Variants in TLN2 observed in about 807,000 individuals in gnomAD.
TLN2 encodes the protein talin 2, also known as talin-2.
In TLN2, 118 loss-of-function variants were observed where a neutral mutation model predicts 294.7. The observed-to-expected ratio is 0.40, with a 90% confidence interval of 0.34 to 0.47. The LOEUF (loss-of-function observed/expected upper bound fraction) is 0.47, where lower values mean the gene tolerates loss of function less well. Among genes scored for constraint, TLN2 ranks in the 20% least tolerant of loss-of-function variants. The probability of loss-of-function intolerance (pLI) is 0.84; values close to 1 mark genes in which losing one functional copy is unlikely to be tolerated. For missense variants in TLN2, 3,083 were observed against 3,282.2 expected (o/e 0.94, Z 1.48); for synonymous variants, 1,431 against 1,304.5 (o/e 1.10, Z -2.09).
At chr15:62,663,732 T>A (rs924280042) in intron 9 of TLN2, among the ~76,000 whole-genome samples, 1 of 151,966 alleles carries the variant, frequency 6.6e-6, no homozygotes, top group African/African-American at 2.4e-5. Flanking sequence ...ATCTCCAAGA[T>A]CTCACCAATA....
intron 2 of TLN2, among the ~76,000 whole-genome samples, chr15:62,609,245 G>T (rs1019269567): frequency 2.0e-5 from 3 of 152,170 alleles, no homozygotes; most frequent in Non-Finnish European, 2.9e-5. Context: ...CCATTTGATT[G>T]TAAGTTGGTG....
chr15:62,834,591 A>C (rs1262659353), intron 55 of TLN2: 3 of 152,116 alleles, frequency 2.0e-5, no homozygotes, highest in Admixed American at 2.0e-4. Flanking sequence ...TTCTCTTTCT[A>C]AACCATTGTG....
intron 26 of TLN2, among the ~76,000 whole-genome samples, chr15:62,723,559 T>G (rs936694924): frequency 6.6e-6 from 1 of 150,426 alleles, no homozygotes; most frequent in African/African-American, 2.4e-5. Context: ...TTTTTTTTTT[T>G]GTGAAACAGG....
intron 1 of TLN2, among the ~76,000 whole-genome samples, chr15:62,466,380 A>G (rs1031986188): frequency 6.6e-6 from 1 of 152,218 alleles, no homozygotes; most frequent in South Asian, 2.1e-4. Context: ...TTGGGGCTGG[A>G]TGATTCTTTG....
chr15:62,425,738 T>C (rs1368420511), intron 1 of TLN2, among the ~76,000 whole-genome samples: 1 of 152,228 alleles, frequency 6.6e-6, no homozygotes, highest in Non-Finnish European at 1.5e-5. Context: ...GTGCTGGTAC[T>C]CTAGGTTTGG....
In TLN2 at chr15:62,547,215, G is replaced by A. The variant is rs1276676453; in HGVS notation, c.-237-42472G>A. On this transcript the variant is annotated intron_variant, in intron 1 of 58. Coordinates refer to ENST00000636159, the MANE Select transcript of TLN2 (RefSeq NM_015059.3). ...TTCAGCCCTTTCATTTCTCTACTTT[G>A]TTGAAAAACATGTTCAGATACTGTT... Among the ~76,000 whole-genome samples, 3 of 152,144 alleles carry A rather than the reference G, an allele frequency of 2.0e-5. No individual in the cohort carries two copies. The East Asian group carries it at 5.8e-4, about 29-fold the overall frequency.
At chr15:62,399,847 C>T (rs2032888570) in intron 1 of TLN2, among the ~76,000 whole-genome samples, 1 of 152,140 alleles carries the variant, frequency 6.6e-6, no homozygotes, top group African/African-American at 2.4e-5. Context: ...CTTGCCTTGT[C>T]TCAGATTAGA....
At chr15:62,698,026 G>C (rs929426498) in intron 15 of TLN2, among the ~76,000 whole-genome samples, 158 bp downstream of exon 15, 2 of 152,166 alleles carry the variant, frequency 1.3e-5, no homozygotes, top group African/African-American at 4.8e-5. Context: ...TGGATGACTC[G>C]GATCACTGCC....
rs369737894 is a variant in TLN2 at position 62,820,098 on chromosome 15, G to C, written c.6878-388G>C. Among the ~76,000 whole-genome samples the C allele has an allele frequency of 7.4e-4, 112 of 152,292 alleles. 1 individual carries two copies. The highest frequency in any genetic ancestry group is 2.6e-3 in the African/African-American group (110 of 41,544). On this transcript the variant is annotated intron_variant, in intron 53 of 58. Coordinates refer to ENST00000636159, the MANE Select transcript of TLN2 (RefSeq NM_015059.3). ...TAAGGTGAGGGGTCAGTCCTCCTGG[G>C]TTCCAGGGAGAAGAGAATGGCAAAT... is the stretch of plus-strand genomic sequence containing the variant.
intron 52 of TLN2, among the ~76,000 whole-genome samples, chr15:62,814,918 C>T (rs975430077): frequency 2.0e-5 from 3 of 152,012 alleles, no homozygotes; most frequent in Non-Finnish European, 2.9e-5. Context: ...CAAGACTGAC[C>T]GGCCAGTGCT....
intron 42 of TLN2, among the ~76,000 whole-genome samples, chr15:62,772,103 C>T (rs1181668410): frequency 1.3e-5 from 2 of 152,030 alleles, no homozygotes; most frequent in Admixed American, 6.5e-5. Flanking sequence ...AGCCTGCTTG[C>T]TCATTTATTT....
At chr15:62,542,817 A>T (rs924231883) in intron 1 of TLN2, among the ~76,000 whole-genome samples, 5 of 152,044 alleles carry the variant, frequency 3.3e-5, no homozygotes, top group African/African-American at 1.2e-4. Context: ...GCCTCAGAAG[A>T]TTCAGGCCTT....
chr15:62,693,605 G>GT (rs10631705), intron 13 of TLN2, among the ~76,000 whole-genome samples: 139,392 of 149,168 alleles, frequency 0.93, 65,722 homozygotes, highest in Non-Finnish European at 1. Flanking sequence ...TAGTTTTCAT[G>GT]TTTTTTTTTT....
At chr15:62,467,046 C>T (rs921143350) in intron 1 of TLN2, among the ~76,000 whole-genome samples, 9 of 152,178 alleles carry the variant, frequency 5.9e-5, no homozygotes, top group Admixed American at 2.0e-4. Context: ...CAAACTAAAC[C>T]TCCCTCGATA....
chr15:62,794,996 C>A (rs1266356060), intron 46 of TLN2, among the ~76,000 whole-genome samples: 2 of 152,192 alleles, frequency 1.3e-5, no homozygotes, highest in African/African-American at 4.8e-5. Context: ...ACTAGCCTGA[C>A]ACATGCGATT....
intron 51 of TLN2, among the ~76,000 whole-genome samples, chr15:62,806,160 T>G (rs1303914115): frequency 6.6e-6 from 1 of 151,892 alleles, no homozygotes; most frequent in Non-Finnish European, 1.5e-5. Context: ...TATGCTGCAC[T>G]CCAGCCTAGG....
At chr15:62,635,836 A>G (rs549096284) in intron 3 of TLN2, among the ~76,000 whole-genome samples, 1 of 152,070 alleles carries the variant, frequency 6.6e-6, no homozygotes. Flanking sequence ...TCAATAAAAA[A>G]CCATTTTCCC....
In TLN2 at chr15:62,697,773, T is replaced by G; in HGVS notation, c.1378T>G (p.Ser460Ala). ...GCTGCCGGCCGTGATGCGCTCGGGCTCCAGCGGGCCTGAGACCTTCAACGT... is the reference window on the plus strand; with the variant it reads ...GCTGCCGGCCGTGATGCGCTCGGGCGCCAGCGGGCCTGAGACCTTCAACGT... ...VALPAVMRSGSSGPETFNVGS... is the reference protein window; with the variant it reads ...VALPAVMRSGASGPETFNVGS... Residue 460 changes from serine to alanine, a missense_variant, in exon 15 of 59, where the codon TCC becomes GCC. By Grantham distance (99) the Ser-to-Ala change is moderately conservative. Transcript: ENST00000636159. 6.2e-7 allele frequency: 1 copy of G among 1,612,762 alleles called. No homozygotes were observed. The highest frequency in any genetic ancestry group is 1.1e-5 in the South Asian group (1 of 91,008).
intron 1 of TLN2, among the ~76,000 whole-genome samples, chr15:62,495,242 A>G (rs1661311): frequency 0.038 from 5,743 of 152,262 alleles, 377 homozygotes; most frequent in African/African-American, 0.13. Flanking sequence ...GGACCTAAGA[A>G]TAGAGAGATG....
Sources: gnomAD v4.1 joint callset for allele counts (sites outside exome capture counted in the v4.1 genomes callset) on GRCh38, gnomAD v4.1.1 for gene constraint, MANE v1.5 for transcripts, NCBI Gene and HGNC (gene_info 2026-07-23, HGNC 2026-07-21) for gene names.